Variants in KCNQ1OT1 observed in about 807,000 individuals in gnomAD.
The protein encoded by KCNQ1OT1 is KCNQ1 opposite strand/antisense transcript 1, also known as KCNQ1 antisense RNA 2 (non-protein coding).
At chr11:2,650,414 C>T (rs1849739234) in exon 1 of KCNQ1OT1, 1 of 398,582 alleles carries the variant, frequency 2.5e-6, no homozygotes, top group East Asian at 3.6e-5. Context: ...TTAGTAAGGA[C>T]TTTTCCTGTA....
At chr11:2,681,599 C>A in exon 1 of KCNQ1OT1, 1 of 398,380 alleles carries the variant, frequency 2.5e-6, no homozygotes, top group South Asian at 1.3e-4. Flanking sequence ...CTTGCTTGCT[C>A]ACTCGCTCTC....
Position 2,651,020 on chromosome 11 carries a change from T to G in KCNQ1OT1, n.48975A>C. On this transcript the variant is annotated non_coding_transcript_exon_variant, in exon 1 of 1. Coordinates refer to ENST00000597346, the Ensembl canonical transcript of KCNQ1OT1. This position sits in a 1 kb window ranked among gnomAD's most constrained non-coding sequence, Gnocchi z 6.1. ...TGCCCACACCTAGTCTCTCCAGCTATCTCCCTGGTTAAAACCACCACCATT... is the reference window on the plus strand; with the variant it reads ...TGCCCACACCTAGTCTCTCCAGCTAGCTCCCTGGTTAAAACCACCACCATT... The G allele has an allele frequency of 2.5e-6, 1 of 398,766 alleles. No individual in the cohort carries two copies. Among genetic ancestry groups the G allele is most frequent in the East Asian group, 3.6e-5 (1 of 28,090 alleles). 24.7% of individuals were successfully genotyped at this position (398,766 alleles called of 1,614,324 possible). A position where few individuals can be genotyped will look rare whatever the true frequency, so the allele number is the denominator to read the frequency against.
chr11:2,644,965 T>TG lies in KCNQ1OT1; in HGVS notation n.55029dup, dbSNP rs560831944. 114 of 398,630 alleles carry TG rather than the reference T, an allele frequency of 2.9e-4. No homozygotes were observed. Among genetic ancestry groups the TG allele is most frequent in the African/African-American group, 2.0e-3 (96 of 48,740 alleles). 24.7% of individuals were successfully genotyped at this position (398,630 alleles called of 1,614,324 possible). ...GTGGCTGGCCCCGAATGCTTATCCT[T>TG]GGGCCCAATGGTAGTGTATGCTGGT... On this transcript the variant is annotated non_coding_transcript_exon_variant, in exon 1 of 1. Transcript: ENST00000597346.
In KCNQ1OT1 at chr11:2,690,311, A is replaced by G. The variant is rs989544539; in HGVS notation, n.9684T>C. The G allele has an allele frequency of 5.8e-5, 23 of 398,572 alleles. No individual in the cohort carries two copies. The highest frequency in any genetic ancestry group is 8.8e-6 in the Non-Finnish European group (2 of 226,102). The allele number at this position is 398,572 out of a possible 1,614,324, so 24.7% of individuals were successfully genotyped here. ...GTCTTCCTCCCTGTAGGATTGTCACAAGGATTAAATGATGTCAAGTCTGAG... is the reference window on the plus strand; with the variant it reads ...GTCTTCCTCCCTGTAGGATTGTCACGAGGATTAAATGATGTCAAGTCTGAG... On this transcript the variant is annotated non_coding_transcript_exon_variant, in exon 1 of 1. Coordinates refer to ENST00000597346, the Ensembl canonical transcript of KCNQ1OT1. This position sits in a 1 kb window ranked among gnomAD's most constrained non-coding sequence, Gnocchi z 5.1.
chr11:2,666,488 T>A (rs907327396), exon 1 of KCNQ1OT1: 1 of 398,516 alleles, frequency 2.5e-6, no homozygotes, highest in African/African-American at 2.1e-5. Flanking sequence ...GACATTCGAG[T>A]TGCTCTTTTC....
At chr11:2,622,319 A>G (rs1169571908) in exon 1 of KCNQ1OT1, 1 of 398,252 alleles carries the variant, frequency 2.5e-6, no homozygotes, top group East Asian at 3.6e-5. Flanking sequence ...TGTCTCCTAT[A>G]ACAATTTTTA....
chr11:2,615,908 G>A (rs1849054401), exon 1 of KCNQ1OT1: 2 of 398,030 alleles, frequency 5.0e-6, no homozygotes, highest in Non-Finnish European at 4.4e-6. Flanking sequence ...TTTCTCCTCT[G>A]TTTTTTGGAA....
At chr11:2,628,354 G>A (rs572463367) in exon 1 of KCNQ1OT1, 2 of 398,432 alleles carry the variant, frequency 5.0e-6, no homozygotes, top group Admixed American at 4.4e-5. Context: ...TGATATCTCA[G>A]TGTGGTTTTC....
chr11:2,619,786 A>T, exon 1 of KCNQ1OT1: 1 of 397,224 alleles, frequency 2.5e-6, no homozygotes, highest in Non-Finnish European at 4.4e-6. Flanking sequence ...GTATTCTTTG[A>T]ATATTGGGTA....
chr11:2,681,332 AC>A, exon 1 of KCNQ1OT1: 1 of 398,294 alleles, frequency 2.5e-6, no homozygotes, highest in Non-Finnish European at 4.4e-6. Context: ...TCCAACTGTG[AC>A]CGTCTTTTCC....
chr11:2,691,796 G>A lies in KCNQ1OT1; in HGVS notation n.8199C>T. ...AGTGGCCATCCACTGCCAGCAATCAGAGAATCACAAGCACTGGATCCAATG... is the reference window on the plus strand; with the variant it reads ...AGTGGCCATCCACTGCCAGCAATCAAAGAATCACAAGCACTGGATCCAATG... On this transcript the variant is annotated non_coding_transcript_exon_variant, in exon 1 of 1. Coordinates refer to ENST00000597346, the Ensembl canonical transcript of KCNQ1OT1. This position sits in a 1 kb window ranked among gnomAD's most constrained non-coding sequence, Gnocchi z 6.4. 1 of 398,676 alleles carries A rather than the reference G, an allele frequency of 2.5e-6. No individual in the cohort carries two copies. Among genetic ancestry groups the A allele is most frequent in the East Asian group, 3.6e-5 (1 of 28,058 alleles). The allele number at this position is 398,676 out of a possible 1,614,324, so 24.7% of individuals were successfully genotyped here. A position where few individuals can be genotyped will look rare whatever the true frequency, so the allele number is the denominator to read the frequency against.
Position 2,687,400 on chromosome 11 carries a change from G to C in KCNQ1OT1, n.12595C>G, listed in dbSNP as rs952582767. ...GGGCTGAGCTCTGCTGAAGGATCTGGGAGGTCAGTAGGCACCTGTGTCCAC... is the reference window on the plus strand; with the variant it reads ...GGGCTGAGCTCTGCTGAAGGATCTGCGAGGTCAGTAGGCACCTGTGTCCAC... On this transcript the variant is annotated non_coding_transcript_exon_variant, in exon 1 of 1. Transcript: ENST00000597346. This position sits in a 1 kb window ranked among gnomAD's most constrained non-coding sequence, Gnocchi z 5.0. 1.0e-5 allele frequency: 4 copies of C among 398,630 alleles called. No homozygotes were observed. The highest frequency in any genetic ancestry group is 2.1e-5 in the African/African-American group (1 of 48,734). 24.7% of individuals were successfully genotyped at this position (398,630 alleles called of 1,614,324 possible).
rs116118799 is a variant in KCNQ1OT1, at chr11:2,628,048, A to G, written n.71947T>C. The G allele has an allele frequency of 3.8e-5, 15 of 398,568 alleles. No individual in the cohort carries two copies. In the South Asian group the frequency reaches 1.5e-3, roughly 41 times the overall value. 24.7% of individuals were successfully genotyped at this position (398,568 alleles called of 1,614,324 possible). A position where few individuals can be genotyped will look rare whatever the true frequency, so the allele number is the denominator to read the frequency against. On this transcript the variant is annotated non_coding_transcript_exon_variant, in exon 1 of 1. Coordinates refer to ENST00000597346, the Ensembl canonical transcript of KCNQ1OT1. ...ATTACAGGTACAAGCCACCATGCCTATGAATACTATGTTGCTCATTTCTTG... is the reference window on the plus strand; with the variant it reads ...ATTACAGGTACAAGCCACCATGCCTGTGAATACTATGTTGCTCATTTCTTG...
exon 1 of KCNQ1OT1, chr11:2,609,459 A>G (rs1245336574): frequency 1.5e-5 from 6 of 398,286 alleles, no homozygotes; most frequent in African/African-American, 4.1e-5. Flanking sequence ...TTCTTGGAGA[A>G]TGTCTCATGT....
chr11:2,640,147 G>C (rs1484170238), exon 1 of KCNQ1OT1: 18 of 357,600 alleles, frequency 5.0e-5, no homozygotes, highest in Non-Finnish European at 7.5e-5. Flanking sequence ...CTGACCCCTT[G>C]TGCTTCCCAG....
At position 2,682,918 on chromosome 11, in the gene KCNQ1OT1, G is replaced by C. The variant is rs1262516048; in HGVS notation, n.17077C>G. 2 of 398,516 alleles carry C rather than the reference G, an allele frequency of 5.0e-6. No homozygotes were observed. Among genetic ancestry groups the C allele is most frequent in the Non-Finnish European group, 8.8e-6 (2 of 226,110 alleles). The allele number at this position is 398,516 out of a possible 1,614,324, so 24.7% of individuals were successfully genotyped here. On this transcript the variant is annotated non_coding_transcript_exon_variant, in exon 1 of 1. Coordinates refer to ENST00000597346, the Ensembl canonical transcript of KCNQ1OT1. This position sits in a 1 kb window ranked among gnomAD's most constrained non-coding sequence, Gnocchi z 5.8. ...CAGACAGAAAATGGTGGCACCTGGA[G>C]AGGTGCTCAGGTCTGTGTGGAAGAA...
chr11:2,630,213 A>C, exon 1 of KCNQ1OT1: 1 of 398,222 alleles, frequency 2.5e-6, no homozygotes, highest in Non-Finnish European at 4.4e-6. Context: ...AAAGTATCCC[A>C]TTTCTTGTAT....
chr11:2,610,837 A>G (rs1308198288), exon 1 of KCNQ1OT1: 2 of 394,918 alleles, frequency 5.1e-6, no homozygotes, highest in African/African-American at 4.2e-5. Flanking sequence ...CCCTGACACC[A>G]GAACAGGGGA....
Position 2,679,047 on chromosome 11 carries a change from T to C in KCNQ1OT1, n.20948A>G, listed in dbSNP as rs1421645743. 8 of 398,496 alleles carry C rather than the reference T, an allele frequency of 2.0e-5. No homozygotes were observed. The highest frequency in any genetic ancestry group is 1.1e-4 in the East Asian group (3 of 28,096). 24.7% of individuals were successfully genotyped at this position (398,496 alleles called of 1,614,324 possible). ...AACTTGTAGCCCAGCCCCTCCTCCA[T>C]ACCAACCACCAAAAAAACCCACTAA... On this transcript the variant is annotated non_coding_transcript_exon_variant, in exon 1 of 1. Coordinates refer to ENST00000597346, the Ensembl canonical transcript of KCNQ1OT1. The surrounding 1 kb of genome is among the most constrained non-coding windows in gnomAD (Gnocchi z 4.8).
Sources: gnomAD v4.1 joint callset for allele counts on GRCh38, gnomAD v4.1.1 for gene constraint, Gnocchi (gnomAD v3.1) non-coding constraint, MANE v1.5 for transcripts, NCBI Gene and HGNC (gene_info 2026-07-23, HGNC 2026-07-21) for gene names.